Variants in SMPX observed in about 807,000 individuals in gnomAD.
The protein encoded by SMPX is small muscle protein X-linked.
SMPX carries 2 observed loss-of-function variants against 6.3 expected under a neutral mutation model. The observed-to-expected ratio is 0.32, with a 90% CI of 0.13 to 0.99. The LOEUF is 0.99. Among genes scored for constraint, SMPX ranks in the 50% least tolerant of loss-of-function variants. The pLI is 0.49. For missense variants in SMPX, 60 were observed against 66.8 expected (o/e 0.90, Z 0.36); for synonymous variants, 32 against 24.7 (o/e 1.30, Z -0.88).
intron 2 of SMPX, 135 bp downstream of exon 2, chrX:21,754,111 C>G: frequency 1.7e-6 from 1 of 602,583 alleles, no homozygotes. Flanking sequence ...GGTTTTATAT[C>G]CTTTCTCAAT....
intron 4 of SMPX, among the ~76,000 whole-genome samples, chrX:21,713,179 A>T (rs1358505211): frequency 8.9e-6 from 1 of 112,099 alleles, no homozygotes; most frequent in Non-Finnish European, 1.9e-5. Flanking sequence ...AGGCTTTATA[A>T]TCTTTTAAAA....
intron 4 of SMPX, among the ~76,000 whole-genome samples, chrX:21,736,552 G>T (rs1399125314): frequency 2.7e-5 from 3 of 112,019 alleles, no homozygotes; most frequent in Non-Finnish European, 5.6e-5. Context: ...AATGTTCTTC[G>T]CACAGTATCT....
intron 4 of SMPX, among the ~76,000 whole-genome samples, chrX:21,718,645 T>G (rs1469877542): frequency 1.8e-5 from 2 of 112,150 alleles, no homozygotes; most frequent in Non-Finnish European, 3.8e-5. Context: ...TCGGATCCCC[T>G]GGCTTAATTT....
intron 2 of SMPX, among the ~76,000 whole-genome samples, chrX:21,746,227 C>T (rs1032102676): frequency 2.7e-5 from 3 of 111,757 alleles, no homozygotes; most frequent in African/African-American, 9.7e-5. Context: ...GGTTTAAATA[C>T]CTGCATCCTC....
intron 4 of SMPX, among the ~76,000 whole-genome samples, chrX:21,711,835 C>T (rs1421707046): frequency 8.9e-6 from 1 of 112,363 alleles, no homozygotes; most frequent in Non-Finnish European, 1.9e-5. Flanking sequence ...AAGGCAGTGG[C>T]TCATGGTCTG....
At chrX:21,707,779 A>G (rs2092774526) in intron 4 of SMPX, among the ~76,000 whole-genome samples, 1 of 112,248 alleles carries the variant, frequency 8.9e-6, no homozygotes. Context: ...CAGAAGAAGG[A>G]CAAGAAATAT....
chrX:21,743,028 C>A lies in SMPX; in HGVS notation c.132+722G>T, dbSNP rs758475787. The stretch of plus-strand genomic sequence containing the variant: ...GTTACAATTGGGTAAGAAATATAAA[C>A]ATCTGAGGAAGAAACTCTTCCCTAT... On this transcript the variant is annotated intron_variant, in intron 3 of 4. Transcript: ENST00000379494. 4.5e-5 allele frequency among the ~76,000 whole-genome samples: 5 copies of A among 111,846 alleles called. No homozygotes were observed. In the East Asian group the frequency reaches 1.4e-3, roughly 31 times the overall value.
chrX:21,723,354 G>A (rs1408784394), intron 4 of SMPX, among the ~76,000 whole-genome samples: 1 of 111,560 alleles, frequency 9.0e-6, no homozygotes, highest in Non-Finnish European at 1.9e-5. Flanking sequence ...TCACCCACAG[G>A]ATGCTGTCCT....
intron 4 of SMPX, chrX:21,733,721 C>T (rs1328705397): frequency 2.1e-5 from 7 of 327,162 alleles, no homozygotes; most frequent in Admixed American, 1.9e-4. Flanking sequence ...TATTTTGTTC[C>T]TCTTCAATTC....
At chrX:21,711,410 T>C (rs1459543793) in intron 4 of SMPX, among the ~76,000 whole-genome samples, 3 of 111,792 alleles carry the variant, frequency 2.7e-5, no homozygotes, top group Non-Finnish European at 5.6e-5. Flanking sequence ...TATGGGGACA[T>C]TTGTGAGAAT....
At chrX:21,744,856 G>T (rs1754608398) in intron 2 of SMPX, among the ~76,000 whole-genome samples, 1 of 112,068 alleles carries the variant, frequency 8.9e-6, no homozygotes, top group Non-Finnish European at 1.9e-5. Context: ...TTATGACATG[G>T]ATTGTATGAT....
At chrX:21,757,563 G>A (rs2092834266) in intron 1 of SMPX, among the ~76,000 whole-genome samples, 1 of 112,052 alleles carries the variant, frequency 8.9e-6, no homozygotes, top group African/African-American at 3.2e-5. Context: ...AAAGGAACTA[G>A]CATTATAGCT....
chrX:21,751,031 A>G (rs1016535587), intron 2 of SMPX, among the ~76,000 whole-genome samples: 5 of 112,456 alleles, frequency 4.4e-5, no homozygotes, highest in Admixed American at 3.8e-4. Context: ...CTGGAGGTGC[A>G]TTAACTCGAC....
intron 4 of SMPX, among the ~76,000 whole-genome samples, chrX:21,713,316 G>A (rs954526847): frequency 6.2e-5 from 7 of 112,241 alleles, no homozygotes; most frequent in African/African-American, 2.3e-4. Flanking sequence ...GCTATCGGCT[G>A]ATCCAGGATG....
At chrX:21,723,810 G>C (rs1224504585) in intron 4 of SMPX, among the ~76,000 whole-genome samples, 1 of 112,224 alleles carries the variant, frequency 8.9e-6, no homozygotes, top group Non-Finnish European at 1.9e-5. Flanking sequence ...CCACACAGGA[G>C]AGAAAACTGA....
At chrX:21,716,319 A>G (rs774885066) in intron 4 of SMPX, among the ~76,000 whole-genome samples, 8 of 112,253 alleles carry the variant, frequency 7.1e-5, no homozygotes, top group Non-Finnish European at 1.3e-4. Flanking sequence ...GCCAGTCTCC[A>G]GGCTGGTTCC....
At chrX:21,724,395 T>C (rs1215253286) in intron 4 of SMPX, among the ~76,000 whole-genome samples, 1 of 112,632 alleles carries the variant, frequency 8.9e-6, no homozygotes, top group Non-Finnish European at 1.9e-5. Flanking sequence ...GGTATGTTTG[T>C]ATGTGTATAA....
At chrX:21,715,222 T>C (rs921411017) in intron 4 of SMPX, among the ~76,000 whole-genome samples, 1 of 110,903 alleles carries the variant, frequency 9.0e-6, no homozygotes, top group Non-Finnish European at 1.9e-5. Flanking sequence ...GATTTGGAGA[T>C]TTGAGATCTT....
chrX:21,715,316 G>A (rs955016898), intron 4 of SMPX, among the ~76,000 whole-genome samples: 186 of 109,661 alleles, frequency 1.7e-3, no homozygotes, highest in African/African-American at 5.6e-3. Flanking sequence ...GCGCACGCGC[G>A]CGCGCTCGCG....
Sources: allele counts gnomAD v4.1 joint callset (sites outside exome capture counted in the v4.1 genomes callset), GRCh38; gene constraint gnomAD v4.1.1; transcripts MANE v1.5; gene names NCBI Gene and HGNC (gene_info 2026-07-23, HGNC 2026-07-21).